The following IL15 variants were observed in gnomAD, a reference collection of about 807,000 sequenced individuals.
IL15 encodes the protein interleukin-15.
IL15 carries 11 observed loss-of-function variants against 19.6 expected under a neutral mutation model. The ratio of observed to expected loss-of-function variants is 0.56; its 90% CI spans 0.35 to 0.93. The LOEUF is 0.93. Ranked by LOEUF, IL15 falls within the 40% of genes least tolerant of loss-of-function variation. IL15 has a pLI of 0.01. For missense variants in IL15, 197 were observed against 186.5 expected, an observed-to-expected ratio of 1.06 and a Z score of -0.33; for synonymous variants, 58 against 59.6, an observed-to-expected ratio of 0.97 and a Z score of 0.12.
chr4:141,650,171 A>C (rs1303782537), intron 1 of IL15, among the ~76,000 whole-genome samples: 1 of 152,138 alleles, frequency 6.6e-6, no homozygotes, highest in East Asian at 1.9e-4. Context: ...ATTGAACTAC[A>C]GTGAGCCAGG....
chr4:141,647,975 T>C (rs774602229), intron 1 of IL15, among the ~76,000 whole-genome samples: 4 of 152,044 alleles, frequency 2.6e-5, no homozygotes, highest in Admixed American at 6.6e-5. Context: ...GGCTGAAGTT[T>C]GAGAAACACT....
At chr4:141,705,944 T>C (rs1178295688) in intron 2 of IL15, among the ~76,000 whole-genome samples, 3 of 152,026 alleles carry the variant, frequency 2.0e-5, no homozygotes, top group African/African-American at 7.2e-5. Flanking sequence ...CTTCTATCCC[T>C]CCACTTTCAG....
chr4:141,638,411 G>T (rs768861577), intron 1 of IL15, among the ~76,000 whole-genome samples: 24 of 152,124 alleles, frequency 1.6e-4, no homozygotes, highest in Admixed American at 5.9e-4. Context: ...TGACAGAGAA[G>T]GGTCAGTTGA....
intron 1 of IL15, among the ~76,000 whole-genome samples, chr4:141,650,710 C>A (rs1371836442): frequency 4.0e-5 from 6 of 151,836 alleles, no homozygotes; most frequent in African/African-American, 1.5e-4. Flanking sequence ...TTCAGGAAAC[C>A]AACATAACAT....
chr4:141,712,841 G>A (rs1027761645), intron 2 of IL15, among the ~76,000 whole-genome samples: 4 of 151,518 alleles, frequency 2.6e-5, no homozygotes, highest in African/African-American at 9.7e-5. Flanking sequence ...TAACCAATTT[G>A]TCTTATTTTA....
intron 2 of IL15, among the ~76,000 whole-genome samples, chr4:141,669,247 C>CCT (rs536516192): frequency 6.6e-4 from 101 of 152,244 alleles, no homozygotes; most frequent in African/African-American, 2.3e-3. Context: ...GTTGGAAATG[C>CCT]AGGTGCCTAA....
At chr4:141,732,305 G>T (rs1730476738) in intron 7 of IL15, among the ~76,000 whole-genome samples, 1 of 152,190 alleles carries the variant, frequency 6.6e-6, no homozygotes, top group Non-Finnish European at 1.5e-5. Context: ...CTAATAGTAT[G>T]CTGTGCATGG....
chr4:141,689,963 G>A (rs567709242), intron 2 of IL15, among the ~76,000 whole-genome samples: 6 of 152,340 alleles, frequency 3.9e-5, no homozygotes, highest in Admixed American at 3.9e-4. Context: ...GGGGGTGGGA[G>A]GCTCAGGCAT....
intron 1 of IL15, among the ~76,000 whole-genome samples, chr4:141,646,619 A>G (rs950138211): frequency 3.3e-5 from 5 of 152,094 alleles, no homozygotes; most frequent in Admixed American, 2.6e-4. Flanking sequence ...TGTTTACTAT[A>G]TATCATGTAA....
intron 7 of IL15, among the ~76,000 whole-genome samples, chr4:141,731,994 T>C (rs908560012): frequency 1.3e-5 from 2 of 152,168 alleles, no homozygotes; most frequent in African/African-American, 2.4e-5. Flanking sequence ...TGTCAGGCCC[T>C]GTGCTAAATG....
intron 3 of IL15, 143 bp from the exon 4 acceptor site, chr4:141,720,326 T>C (rs1338245350): frequency 1.2e-5 from 7 of 575,684 alleles, no homozygotes; most frequent in East Asian, 9.0e-5. Context: ...TAAATTATAG[T>C]TTTATTATTT....
chr4:141,685,411 C>T (rs1728676647), intron 2 of IL15, among the ~76,000 whole-genome samples: 1 of 151,986 alleles, frequency 6.6e-6, no homozygotes, highest in African/African-American at 2.4e-5. Context: ...AGCAACAAAC[C>T]CTAAGCTGTG....
At chr4:141,637,289 C>A (rs781718199) in intron 1 of IL15, 1 of 152,284 alleles carries the variant, frequency 6.6e-6, no homozygotes. Flanking sequence ...GTGCAGATGT[C>A]TGTGCGTGCG....
intron 2 of IL15, among the ~76,000 whole-genome samples, chr4:141,694,861 T>C (rs1028096763): frequency 6.6e-6 from 1 of 152,190 alleles, no homozygotes; most frequent in Non-Finnish European, 1.5e-5. Flanking sequence ...AGCCCTGCTC[T>C]TTTGGTATCT....
intron 5 of IL15, 99 bp downstream of exon 5, chr4:141,722,107 CAAT>C (rs1174068084): frequency 2.7e-5 from 36 of 1,327,646 alleles, no homozygotes; most frequent in African/African-American, 5.9e-5. Flanking sequence ...ACACTTGAAA[CAAT>C]AATATTTTTG....
At position 141,720,564 on chromosome 4, in the gene IL15, G is replaced by T. The variant is rs1388575943; in HGVS notation, c.108G>T (p.Leu36Phe). ...AAGCTGGCATTCATGTCTTCATTTT[G>T]GGGTAATTTTATCTTTAGGCATAAA... is the stretch of plus-strand genomic sequence containing the variant. ...LTEAGIHVFI[L>F]GCFSAGLPKT... The change falls in exon 4 of 8, where the codon TTG becomes TTT. Residue 36 changes from leucine (L) to phenylalanine (F), a missense_variant and splice_region_variant. Coordinates refer to ENST00000320650, the MANE Select transcript of IL15 (RefSeq NM_000585.5). 4 of 1,490,450 alleles carry T rather than the reference G, an allele frequency of 2.7e-6. No homozygotes were observed. Among genetic ancestry groups the T allele is most frequent in the African/African-American group, 2.8e-5 (2 of 72,320 alleles). The allele number at this position is 1,490,450 out of a possible 1,614,324, so 92.3% of individuals were successfully genotyped here.
rs200111387 is a variant in IL15 at position 141,732,712 on chromosome 4, A to G, written c.379-26A>G. 138 of 1,602,652 alleles carry G rather than the reference A, an allele frequency of 8.6e-5. No individual in the cohort carries two copies. The African/African-American group carries it at 1.7e-3, about 20-fold the overall frequency. On this transcript the variant is annotated intron_variant, in intron 7 of 7. Transcript: ENST00000320650. ...TATTTAATTTAATTATAAATTGCCAATTTAATCTCTCTCTATATTTTGCAG... is the reference window on the plus strand; with the variant it reads ...TATTTAATTTAATTATAAATTGCCAGTTTAATCTCTCTCTATATTTTGCAG...
rs781151646 is a variant in IL15 at position 141,721,137 on chromosome 4, A to G, written c.110+571A>G. ...CTGACTCTCAGTTCAGTTTTACTCT[A>G]CTAATGCCTTCATGGTATTGGGAAC... is the stretch of plus-strand genomic sequence containing the variant. On this transcript the variant is annotated intron_variant, in intron 4 of 7. Transcript: ENST00000320650. The G allele has an allele frequency of 4.0e-6, 6 of 1,497,438 alleles. No individual in the cohort carries two copies. In the Admixed American group the frequency reaches 1.0e-4, roughly 26 times the overall value. The allele number at this position is 1,497,438 out of a possible 1,614,324, so 92.8% of individuals were successfully genotyped here.
intron 2 of IL15, among the ~76,000 whole-genome samples, chr4:141,706,161 A>G (rs1729507604): frequency 6.6e-6 from 1 of 151,190 alleles, no homozygotes; most frequent in African/African-American, 2.4e-5. Context: ...TTTATTGTTT[A>G]TCTCTGTGGT....
Sources: allele counts gnomAD v4.1 joint callset (sites outside exome capture counted in the v4.1 genomes callset), GRCh38; gene constraint gnomAD v4.1.1; transcripts MANE v1.5; gene names NCBI Gene and HGNC (gene_info 2026-07-23, HGNC 2026-07-21).